Variants in ASIP observed in about 807,000 individuals in gnomAD.
ASIP encodes agouti-signaling protein.
Under a neutral mutation model 10.3 loss-of-function variants are expected in ASIP, and 11 were observed. That is an observed-to-expected ratio of 1.07 (90% CI 0.68 to 1.78). ASIP has a LOEUF of 1.78. ASIP is among the 40% of genes most tolerant of loss of function. ASIP has a pLI of 0.00. For synonymous variants in ASIP, 70 were observed against 70.8 expected, an observed-to-expected ratio of 0.99 and a Z score of 0.06; for missense variants, 180 against 169.2, an observed-to-expected ratio of 1.06 and a Z score of -0.35.
chr20:34,225,537 T>C (rs1436935481), intron 1 of ASIP, among the ~76,000 whole-genome samples: 5 of 152,104 alleles, frequency 3.3e-5, no homozygotes, highest in African/African-American at 4.8e-5. Flanking sequence ...TTTTCTCAGA[T>C]CAACTTCACA....
At chr20:34,248,032 A>G (rs572551351) in intron 1 of ASIP, among the ~76,000 whole-genome samples, 4 of 151,926 alleles carry the variant, frequency 2.6e-5, no homozygotes, top group Non-Finnish European at 4.4e-5. Context: ...ATGGTGAAAC[A>G]CTGTCGCTAC....
intron 1 of ASIP, among the ~76,000 whole-genome samples, chr20:34,199,202 G>A (rs138834065): frequency 1.5e-4 from 23 of 152,166 alleles, no homozygotes; most frequent in Admixed American, 3.9e-4. Flanking sequence ...ATGGATAAAT[G>A]CCACAGTTTA....
At chr20:34,219,540 A>G (rs2035031381) in intron 1 of ASIP, among the ~76,000 whole-genome samples, 1 of 152,226 alleles carries the variant, frequency 6.6e-6, no homozygotes, top group Admixed American at 6.5e-5. Context: ...TAGACTCTGC[A>G]ATAGAGTTTC....
chr20:34,222,954 C>G (rs2035059721), intron 1 of ASIP, among the ~76,000 whole-genome samples: 1 of 152,094 alleles, frequency 6.6e-6, no homozygotes, highest in Non-Finnish European at 1.5e-5. Context: ...GGCTGGAGTG[C>G]AGTGGCGTGA....
chr20:34,265,305 T>A (rs2122676653), intron 3 of ASIP, among the ~76,000 whole-genome samples: 1 of 149,768 alleles, frequency 6.7e-6, no homozygotes, highest in South Asian at 2.1e-4. Flanking sequence ...GGCAGATCAC[T>A]TGAGTCCAGG....
At chr20:34,206,816 G>A (rs776935060) in intron 1 of ASIP, among the ~76,000 whole-genome samples, 11 of 152,086 alleles carry the variant, frequency 7.2e-5, no homozygotes, top group Non-Finnish European at 1.3e-4. Context: ...TCCTGACCTC[G>A]TGATCCACCT....
intron 1 of ASIP, chr20:34,213,364 T>G (rs1022166200): frequency 3.3e-5 from 19 of 577,958 alleles, no homozygotes; most frequent in Non-Finnish European, 5.5e-5. Context: ...CAAAACAGTC[T>G]AAGACAGAAA....
rs1335640576 is a variant in ASIP at position 34,208,129 on chromosome 20, G to T, written c.-11+13369G>T. Among the ~76,000 whole-genome samples, 3 of 152,030 alleles carry T rather than the reference G, an allele frequency of 2.0e-5. No homozygotes were observed. In the East Asian group the frequency reaches 5.8e-4, roughly 29 times the overall value. ...TGTAAATGTATAGATTTGTTTCCGG[G>T]TTTTCTATTCTGTTCCATTGGTCTA... On this transcript the variant is annotated intron_variant, in intron 1 of 3. Coordinates refer to the ASIP transcript ENST00000568305.
rs183605724 is a variant in ASIP at position 34,249,497 on chromosome 20, T to C, written c.-11+8008T>C. On this transcript the variant is annotated intron_variant, in intron 1 of 3. Transcript: ENST00000374954. ...TAACCACTGTGTCATATGATCAGTG[T>C]CAACTTTCTCAATCTTGTAACCACA... Among the ~76,000 whole-genome samples the C allele has an allele frequency of 5.6e-4, 85 of 152,290 alleles. No homozygotes were observed. In the East Asian group the frequency reaches 0.016, roughly 28 times the overall value.
chr20:34,267,063 C>A (rs956799532), intron 3 of ASIP, among the ~76,000 whole-genome samples: 1 of 152,064 alleles, frequency 6.6e-6, no homozygotes, highest in African/African-American at 2.4e-5. Context: ...AGTGAACAAG[C>A]AAGATGAGAT....
At chr20:34,212,691 G>GA (rs1180296653) in intron 1 of ASIP, among the ~76,000 whole-genome samples, 7 of 151,888 alleles carry the variant, frequency 4.6e-5, no homozygotes, top group Admixed American at 2.0e-4. Context: ...CATTTTTGAG[G>GA]AAAAAAAATT....
At chr20:34,258,005 G>C (rs998040392) in intron 1 of ASIP, among the ~76,000 whole-genome samples, 1 of 152,014 alleles carries the variant, frequency 6.6e-6, no homozygotes, top group African/African-American at 2.4e-5. Flanking sequence ...TTAGCTGGGC[G>C]TGGTGGCAAG....
In ASIP at chr20:34,260,455, G is replaced by A. The variant is rs750394057; in HGVS notation, c.81G>A (p.Glu27=). The stretch of plus-strand genomic sequence containing the variant: ...CTGCCAACAGCCACCTGCCACCTGA[G>A]GAGAAGCTCCGAGATGACAGGAGCC... ...FFTANSHLPP[E]EKLRDDRSLR... The change falls in exon 2 of 4, where the codon GAG becomes GAA. Residue 27 remains glutamate, a synonymous_variant. Coordinates refer to ENST00000374954, the MANE Select transcript of ASIP (RefSeq NM_001672.3). 6 of 1,614,168 alleles carry A rather than the reference G, an allele frequency of 3.7e-6. No individual in the cohort carries two copies. The South Asian group carries it at 5.5e-5, about 15-fold the overall frequency.
intron 1 of ASIP, among the ~76,000 whole-genome samples, chr20:34,197,004 T>TA (rs1491340285): frequency 1.3e-5 from 2 of 148,526 alleles, no homozygotes; most frequent in African/African-American, 5.0e-5. Context: ...TTTTTTTTTT[T>TA]AAATTCAAAC....
At chr20:34,258,857 T>C (rs1408064974) in intron 1 of ASIP, among the ~76,000 whole-genome samples, 1 of 125,054 alleles carries the variant, frequency 8.0e-6, no homozygotes, top group African/African-American at 2.9e-5. Flanking sequence ...ATATATAATA[T>C]ATGATATATA....
In ASIP at chr20:34,205,040, T is replaced by C. The variant is rs118049168; in HGVS notation, c.-11+10280T>C. ...AAATTATACTTAATTATACTCACCC[T>C]ATTGTGCTACCAAGTACAAGTGTGC... On this transcript the variant is annotated intron_variant, in intron 1 of 3. Coordinates refer to the ASIP transcript ENST00000568305. Among the ~76,000 whole-genome samples, 41 of 152,370 alleles carry C rather than the reference T, an allele frequency of 2.7e-4. No homozygotes were observed. In the East Asian group the frequency reaches 5.8e-3, roughly 21 times the overall value.
At chr20:34,211,780 C>A (rs1433891477) in intron 1 of ASIP, among the ~76,000 whole-genome samples, 2 of 152,112 alleles carry the variant, frequency 1.3e-5, no homozygotes, top group African/African-American at 4.8e-5. Flanking sequence ...ACTTTTTGAT[C>A]TTTTGCAAGT....
chr20:34,259,694 G>A lies in ASIP; in HGVS notation c.-10-671G>A, dbSNP rs549077234. Reference sequence around the variant, plus strand: ...GTACCTGGGAGGTGGAGGTTGCAGTGAGCCGAGATTATGCCACTGCACTCT... The same window carrying A: ...GTACCTGGGAGGTGGAGGTTGCAGTAAGCCGAGATTATGCCACTGCACTCT... On this transcript the variant is annotated intron_variant, in intron 1 of 3. Transcript: ENST00000374954. Among the ~76,000 whole-genome samples, 11 of 151,866 alleles carry A rather than the reference G, an allele frequency of 7.2e-5. No individual in the cohort carries two copies. The East Asian group carries it at 1.9e-3, about 27-fold the overall frequency.
intron 1 of ASIP, chr20:34,235,175 C>T (rs1178846955): frequency 6.6e-6 from 1 of 152,412 alleles, no homozygotes; most frequent in Non-Finnish European, 1.5e-5. Context: ...GGCGCAGTGG[C>T]TCACGCCTGT....
Sources: gnomAD v4.1 joint callset for allele counts (sites outside exome capture counted in the v4.1 genomes callset) on GRCh38, gnomAD v4.1.1 for gene constraint, MANE v1.5 for transcripts, NCBI Gene and HGNC (gene_info 2026-07-23, HGNC 2026-07-21) for gene names.